The following ZMYM5 variants were observed in gnomAD, a reference collection of about 807,000 sequenced individuals.
ZMYM5 encodes zinc finger MYM-type containing 5.
Under a neutral mutation model 61.8 loss-of-function variants are expected in ZMYM5, and 41 were observed. That is an observed-to-expected ratio of 0.66 (90% CI 0.52 to 0.86). The LOEUF is 0.86. Among genes scored for constraint, ZMYM5 ranks in the 40% least tolerant of loss-of-function variants. The pLI is 0.00. For missense variants in ZMYM5, 706 were observed against 786.7 expected, an observed-to-expected ratio of 0.90 and a Z score of 1.23; for synonymous variants, 257 against 276.4, an observed-to-expected ratio of 0.93 and a Z score of 0.70.
rs9578228 is a variant in ZMYM5 at position 19,863,613 on chromosome 13, G to T, written c.-242C>A. 139,625 of 152,666 alleles carry T rather than the reference G, an allele frequency of 0.91. 65,140 individuals carry two copies. The highest frequency in any genetic ancestry group is 1 in the Non-Finnish European group (68,137 of 68,234). 9.5% of individuals were successfully genotyped at this position (152,666 alleles called of 1,614,324 possible). ...GCTTCGGCGACAAGCACAACTCCGC[G>T]AGGTCCAGTCCCGGCTTTTCGCGCT... On this transcript the variant is annotated 5_prime_UTR_variant, in exon 1 of 8. Coordinates refer to ENST00000337963, the MANE Select transcript of ZMYM5 (RefSeq NM_001142684.2).
chr13:19,853,493 A>G (rs912026423), intron 2 of ZMYM5, among the ~76,000 whole-genome samples: 4 of 151,790 alleles, frequency 2.6e-5, no homozygotes, highest in Non-Finnish European at 5.9e-5. Context: ...AGGTCTCACT[A>G]TGTTGCCCAG....
At chr13:19,834,558 G>T (rs1227935053) in intron 7 of ZMYM5, among the ~76,000 whole-genome samples, 2 of 152,226 alleles carry the variant, frequency 1.3e-5, no homozygotes, top group African/African-American at 4.8e-5. Flanking sequence ...AAAGTGCAGG[G>T]ATTACAGGCG....
chr13:19,850,930 C>A (rs549034601), intron 4 of ZMYM5, among the ~76,000 whole-genome samples: 1 of 152,082 alleles, frequency 6.6e-6, no homozygotes, highest in Non-Finnish European at 1.5e-5. Context: ...AGTCAAAGGC[C>A]GGGAGTGGTG....
At chr13:19,845,085 C>G (rs2138574671) in intron 4 of ZMYM5, among the ~76,000 whole-genome samples, 1 of 152,208 alleles carries the variant, frequency 6.6e-6, no homozygotes, top group East Asian at 1.9e-4. Flanking sequence ...TTATGAGAAA[C>G]AGTTTGTAAT....
chr13:19,856,674 G>A (rs1281880927), intron 2 of ZMYM5, among the ~76,000 whole-genome samples: 3 of 151,692 alleles, frequency 2.0e-5, no homozygotes, highest in Non-Finnish European at 4.4e-5. Context: ...TTCACGCGTG[G>A]TGGCATGCAC....
Position 19,850,301 on chromosome 13 carries a change from T to C in ZMYM5, c.586+1054A>G, listed in dbSNP as rs372120246. Among the ~76,000 whole-genome samples, 45 of 152,230 alleles carry C rather than the reference T, an allele frequency of 3.0e-4. 1 individual carries two copies. In the South Asian group the frequency reaches 7.3e-3, roughly 25 times the overall value. On this transcript the variant is annotated intron_variant, in intron 4 of 7. Transcript: ENST00000337963. ...AATTAAGCGACTAATAAAACGCCGATTTAAAAACTAAAATCAGGCCAGTCG... is the reference window on the plus strand; with the variant it reads ...AATTAAGCGACTAATAAAACGCCGACTTAAAAACTAAAATCAGGCCAGTCG...
At chr13:19,855,279 T>C (rs1953459772) in intron 2 of ZMYM5, among the ~76,000 whole-genome samples, 1 of 152,114 alleles carries the variant, frequency 6.6e-6, no homozygotes, top group Non-Finnish European at 1.5e-5. Context: ...TTTTTTTTTT[T>C]TAAGATGGAG....
chr13:19,837,548 T>C (rs1317637248), intron 6 of ZMYM5, 108 bp downstream of exon 6: 1 of 1,605,362 alleles, frequency 6.2e-7, no homozygotes, highest in South Asian at 1.1e-5. Flanking sequence ...CTTCATGTTA[T>C]ACATCCAGAA....
rs1308849781 is a variant in ZMYM5 at position 19,835,625 on chromosome 13, T to G, written c.1103A>C (p.Lys368Thr). 7.3e-7 allele frequency: 1 copy of G among 1,367,606 alleles called. No homozygotes were observed. The highest frequency in any genetic ancestry group is 9.8e-7 in the Non-Finnish European group (1 of 1,021,860). 84.7% of individuals were successfully genotyped at this position (1,367,606 alleles called of 1,614,324 possible). ...TATTAGACCATTGGCCAATCTGTACTTATTAAAGCAATGGTTACTGCACAG... is the reference window on the plus strand; with the variant it reads ...TATTAGACCATTGGCCAATCTGTACGTATTAAAGCAATGGTTACTGCACAG... The part of the protein sequence containing the change: ...HKLCSNHCFN[K>T]YRLANGLIMN... The change falls in exon 7 of 8, where the codon AAG becomes ACG. Residue 368 changes from lysine (K) to threonine (T), a missense_variant. By Grantham distance (78) the Lys-to-Thr change is moderately conservative. This residue lies in a region of ZMYM5 where 480 missense variants were observed against 461.7 expected (regional missense o/e 1.04). Coordinates refer to ENST00000337963, the MANE Select transcript of ZMYM5 (RefSeq NM_001142684.2).
intron 4 of ZMYM5, among the ~76,000 whole-genome samples, chr13:19,849,603 T>G (rs1475365579): frequency 6.6e-6 from 1 of 152,216 alleles, no homozygotes; most frequent in East Asian, 1.9e-4. Context: ...ACATATTTTC[T>G]GATTTCTATG....
At chr13:19,837,573 A>G in intron 6 of ZMYM5, 83 bp downstream of exon 6, 1 of 1,608,404 alleles carries the variant, frequency 6.2e-7, no homozygotes, top group Non-Finnish European at 8.5e-7. Flanking sequence ...TGCATTATGT[A>G]GATGAAAGAG....
intron 2 of ZMYM5, among the ~76,000 whole-genome samples, chr13:19,859,902 G>A (rs1419177476): frequency 6.7e-6 from 1 of 150,052 alleles, no homozygotes; most frequent in South Asian, 2.1e-4. Flanking sequence ...TCAGGAGTTC[G>A]AGACCAGCCT....
intron 2 of ZMYM5, among the ~76,000 whole-genome samples, chr13:19,857,369 A>G (rs1382383217): frequency 5.3e-5 from 8 of 152,342 alleles, no homozygotes; most frequent in African/African-American, 1.9e-4. Context: ...AACATAAAAC[A>G]AAGAAATGAA....
In ZMYM5 at chr13:19,824,769, T is replaced by G. The variant is rs1566081632; in HGVS notation, c.1718A>C (p.Lys573Thr). Residue 573 changes from lysine (K) to threonine (T), a missense_variant, in exon 8 of 8, where the codon AAA (lysine) becomes ACA (threonine). Physicochemically the swap from Lys to Thr is moderately conservative, Grantham distance 78 (BLOSUM62 -1). Coordinates refer to ENST00000337963, the MANE Select transcript of ZMYM5 (RefSeq NM_001142684.2). Reference protein sequence around the residue: ...YYTRILPNGEKTTRSWLLYST... With the variant: ...YYTRILPNGETTTRSWLLYST... ...ATAAAGTAACCAGGATCTAGTGGTT[T>G]TTTCACCATTTGGAAGAATCCGTGT... 1 of 1,359,424 alleles carries G rather than the reference T, an allele frequency of 7.4e-7. No homozygotes were observed. Among genetic ancestry groups the G allele is most frequent in the Non-Finnish European group, 9.8e-7 (1 of 1,017,426 alleles). 84.2% of individuals were successfully genotyped at this position (1,359,424 alleles called of 1,614,324 possible).
chr13:19,825,199 C>T lies in ZMYM5; in HGVS notation c.1288G>A (p.Glu430Lys), dbSNP rs1309257859. Residue 430 changes from glutamate (E) to lysine (K), a missense_variant, in exon 8 of 8, where the codon GAA becomes AAA. By Grantham distance (56) the Glu-to-Lys change is moderately conservative. Transcript: ENST00000337963. ...ETKSKKLTAS[E>K]NRKRNAFREE... ...CTAAAAGCATTCCTTTTTCTATTTT[C>T]TGATGCTGTTAATTTTTTTGATTTT... 2.4e-6 allele frequency: 3 copies of T among 1,271,860 alleles called. No homozygotes were observed. Among genetic ancestry groups the T allele is most frequent in the East Asian group, 5.6e-5 (1 of 17,974 alleles). 78.8% of individuals were successfully genotyped at this position (1,271,860 alleles called of 1,614,324 possible). A position where few individuals can be genotyped will look rare whatever the true frequency, so the allele number is the denominator to read the frequency against.
At chr13:19,842,827 G>T (rs1952924835) in intron 4 of ZMYM5, among the ~76,000 whole-genome samples, 1 of 151,676 alleles carries the variant, frequency 6.6e-6, no homozygotes, top group South Asian at 2.1e-4. Flanking sequence ...GGGCATGGTG[G>T]CAGGTGCCTG....
chr13:19,863,367 G>A (rs1299236388), intron 1 of ZMYM5, 83 bp downstream of exon 1: 5 of 152,120 alleles, frequency 3.3e-5, no homozygotes, highest in Admixed American at 3.3e-4. Flanking sequence ...CAACGGCGAC[G>A]GCGGCCGCGC....
At chr13:19,834,845 C>T (rs955872413) in intron 7 of ZMYM5, among the ~76,000 whole-genome samples, 2 of 151,940 alleles carry the variant, frequency 1.3e-5, no homozygotes, top group African/African-American at 2.4e-5. Context: ...CACACCAACT[C>T]GCCTGGCTAA....
intron 2 of ZMYM5, among the ~76,000 whole-genome samples, chr13:19,854,055 G>A (rs777552382): frequency 4.8e-4 from 73 of 152,066 alleles, no homozygotes; most frequent in Non-Finnish European, 8.4e-4. Flanking sequence ...CTATCGCCAG[G>A]CCAGAGTGCA....
Sources: allele counts gnomAD v4.1 joint callset (sites outside exome capture counted in the v4.1 genomes callset), GRCh38; gene constraint gnomAD v4.1.1; regional missense constraint gnomAD v4.1.1; transcripts MANE v1.5; gene names NCBI Gene and HGNC (gene_info 2026-07-23, HGNC 2026-07-21).